Variants in AUTS2 observed in about 807,000 individuals in gnomAD.
AUTS2 encodes the protein autism susceptibility gene 2 protein.
Under a neutral mutation model 112.4 loss-of-function variants are expected in AUTS2, and 17 were observed. That is an observed-to-expected ratio of 0.15 (90% CI 0.10 to 0.23). The LOEUF (loss-of-function observed/expected upper bound fraction) is 0.23. AUTS2 is among the 10% of genes least tolerant of loss of function. The pLI, the probability that AUTS2 is intolerant of heterozygous loss-of-function variation, is 1.00. For synonymous variants in AUTS2, 751 were observed against 702.7 expected, an observed-to-expected ratio of 1.07 and a Z score of -1.09; for missense variants, 1,510 against 1,701.6, an observed-to-expected ratio of 0.89 and a Z score of 1.98.
intron 5 of AUTS2, among the ~76,000 whole-genome samples, chr7:70,544,619 A>T (rs1374470918): frequency 2.0e-5 from 3 of 152,218 alleles, no homozygotes; most frequent in Non-Finnish European, 4.4e-5. Flanking sequence ...AAAATCACAC[A>T]GGCCTGCAGT....
chr7:69,836,977 T>C (rs934210342), intron 1 of AUTS2, among the ~76,000 whole-genome samples: 3 of 152,146 alleles, frequency 2.0e-5, no homozygotes, highest in Non-Finnish European at 2.9e-5. Flanking sequence ...GTGTGCAGTA[T>C]GGTAACTGCT....
intron 1 of AUTS2, among the ~76,000 whole-genome samples, chr7:69,849,030 A>T (rs1792339783): frequency 6.6e-6 from 1 of 152,166 alleles, no homozygotes; most frequent in Non-Finnish European, 1.5e-5. Flanking sequence ...AAAATAAAAA[A>T]AATTAGCCAG....
intron 1 of AUTS2, among the ~76,000 whole-genome samples, chr7:69,838,325 G>A (rs922039372): frequency 1.9e-4 from 29 of 148,868 alleles, no homozygotes; most frequent in African/African-American, 6.7e-4. Flanking sequence ...GATGATGATA[G>A]CAGAATCTCT....
intron 2 of AUTS2, among the ~76,000 whole-genome samples, chr7:70,016,220 A>G (rs997688388): frequency 6.6e-6 from 1 of 152,222 alleles, no homozygotes; most frequent in Non-Finnish European, 1.5e-5. Context: ...AGTGACCTGA[A>G]TTGGACAGAA....
At chr7:69,600,538 CTTTT>C (rs370612172) in intron 1 of AUTS2, among the ~76,000 whole-genome samples, 2 of 85,566 alleles carry the variant, frequency 2.3e-5, no homozygotes, top group African/African-American at 4.8e-5. Flanking sequence ...CCCCCATATT[CTTTT>C]TTTTTTTTTT....
intron 2 of AUTS2, among the ~76,000 whole-genome samples, chr7:69,910,669 C>T (rs1302646198): frequency 1.3e-5 from 2 of 152,124 alleles, no homozygotes; most frequent in East Asian, 1.9e-4. Flanking sequence ...TGCTATGTCA[C>T]CCAGGCTGGA....
At chr7:70,587,231 C>T (rs1020921173) in intron 5 of AUTS2, among the ~76,000 whole-genome samples, 1 of 152,244 alleles carries the variant, frequency 6.6e-6, no homozygotes, top group Admixed American at 6.5e-5. Flanking sequence ...GAACATACCA[C>T]CATGCGGGCT....
At chr7:70,323,318 A>G (rs1790340144) in intron 4 of AUTS2, among the ~76,000 whole-genome samples, 1 of 152,210 alleles carries the variant, frequency 6.6e-6, no homozygotes, top group African/African-American at 2.4e-5. Context: ...CGGATGGTAG[A>G]AAGAAATAAT....
chr7:69,859,481 G>A (rs982920925), intron 1 of AUTS2, among the ~76,000 whole-genome samples: 2 of 152,182 alleles, frequency 1.3e-5, no homozygotes, highest in Non-Finnish European at 2.9e-5. Flanking sequence ...TTAGTAACGG[G>A]CAGAAGTCAT....
intron 6 of AUTS2, among the ~76,000 whole-genome samples, chr7:70,710,692 A>G (rs909672045): frequency 2.6e-5 from 4 of 152,186 alleles, no homozygotes; most frequent in Admixed American, 1.3e-4. Flanking sequence ...GATTGTTACC[A>G]AGTCCATAAT....
intron 2 of AUTS2, among the ~76,000 whole-genome samples, chr7:70,036,766 C>T (rs932827097): frequency 6.6e-6 from 1 of 152,186 alleles, no homozygotes; most frequent in African/African-American, 2.4e-5. Context: ...TCCGAAGACA[C>T]CAAAACTGAT....
At chr7:69,798,250 G>A (rs1346224143) in intron 1 of AUTS2, among the ~76,000 whole-genome samples, 1 of 152,148 alleles carries the variant, frequency 6.6e-6, no homozygotes, top group Non-Finnish European at 1.5e-5. Flanking sequence ...GAACGTAAGA[G>A]AACATGTGGA....
chr7:70,103,855 A>G (rs1371866466), intron 2 of AUTS2, among the ~76,000 whole-genome samples: 1 of 151,888 alleles, frequency 6.6e-6, no homozygotes, highest in African/African-American at 2.4e-5. Context: ...GGTTGCAGTG[A>G]GCCAAGATCA....
At position 70,215,571 on chromosome 7, in the gene AUTS2, C is replaced by A. The variant is rs1309189514; in HGVS notation, c.660+81000C>A. ...TTGGCAGGGTGGTTGGAGAGACATA[C>A]TACAGGAAAGAAATGATGGTAACTT... is the stretch of plus-strand genomic sequence containing the variant. On this transcript the variant is annotated intron_variant, in intron 4 of 18. Transcript: ENST00000342771. Among the ~76,000 whole-genome samples the A allele has an allele frequency of 3.3e-5, 5 of 152,110 alleles. No homozygotes were observed. The South Asian group carries it at 1.0e-3, about 32-fold the overall frequency.
intron 5 of AUTS2, among the ~76,000 whole-genome samples, chr7:70,527,558 G>A (rs529879515): frequency 5.9e-5 from 9 of 151,578 alleles, no homozygotes; most frequent in East Asian, 2.0e-4. Flanking sequence ...CCCCATAGCC[G>A]TAGATCAAAT....
At chr7:69,761,154 A>G (rs758110817) in intron 1 of AUTS2, among the ~76,000 whole-genome samples, 12 of 152,236 alleles carry the variant, frequency 7.9e-5, no homozygotes, top group Non-Finnish European at 1.6e-4. Flanking sequence ...TGCATGCTTC[A>G]GCTGCCTGGA....
At chr7:70,644,490 C>T (rs777668277) in intron 5 of AUTS2, among the ~76,000 whole-genome samples, 20 of 152,282 alleles carry the variant, frequency 1.3e-4, no homozygotes, top group Non-Finnish European at 1.8e-4. Flanking sequence ...GCGCTCTCCA[C>T]GAACTGTCTC....
intron 1 of AUTS2, among the ~76,000 whole-genome samples, chr7:69,674,491 C>A (rs575911878): frequency 6.6e-6 from 1 of 151,836 alleles, no homozygotes; most frequent in South Asian, 2.1e-4. Flanking sequence ...ATCAACACTT[C>A]TAAATTATTT....
At chr7:69,767,468 C>T (rs967891757) in intron 1 of AUTS2, among the ~76,000 whole-genome samples, 2 of 152,154 alleles carry the variant, frequency 1.3e-5, no homozygotes, top group East Asian at 3.9e-4. Context: ...ACGTGAGCCA[C>T]CAGCCTAAAA....
Sources: gnomAD v4.1 joint callset for allele counts (sites outside exome capture counted in the v4.1 genomes callset) on GRCh38, gnomAD v4.1.1 for gene constraint, MANE v1.5 for transcripts, NCBI Gene and HGNC (gene_info 2026-07-23, HGNC 2026-07-21) for gene names.